Variants in GNA14 observed in about 807,000 individuals in gnomAD.
The protein encoded by GNA14 is G protein subunit alpha 14, also known as guanine nucleotide-binding protein subunit alpha-14.
Under a neutral mutation model 42.0 loss-of-function variants are expected in GNA14, and 50 were observed. The ratio of observed to expected loss-of-function variants is 1.19; its 90% CI spans 0.95 to 1.51. The LOEUF (loss-of-function observed/expected upper bound fraction) is 1.51. Ranked by LOEUF, GNA14 falls within the 40% of genes most tolerant of loss-of-function variation. The pLI, the probability that GNA14 is intolerant of heterozygous loss-of-function variation, is 0.00. For synonymous variants in GNA14, 173 were observed against 163.1 expected (o/e 1.06, Z -0.46); for missense variants, 473 against 446.2 (o/e 1.06, Z -0.54).
At chr9:77,427,876 C>T (rs1254080485) in intron 5 of GNA14, among the ~76,000 whole-genome samples, 1 of 152,162 alleles carries the variant, frequency 6.6e-6, no homozygotes, top group African/African-American at 2.4e-5. Context: ...CACCCCAGTT[C>T]CACTAGGGAT....
chr9:77,608,217 T>C (rs1483471807), intron 1 of GNA14, among the ~76,000 whole-genome samples: 1 of 152,230 alleles, frequency 6.6e-6, no homozygotes, highest in Non-Finnish European at 1.5e-5. Flanking sequence ...GCTTGGAACA[T>C]GTCATCTCTT....
intron 2 of GNA14, among the ~76,000 whole-genome samples, chr9:77,496,147 GT>G (rs1486947198): frequency 6.6e-5 from 10 of 152,190 alleles, no homozygotes; most frequent in African/African-American, 2.4e-4. Context: ...GGAATTTACT[GT>G]TTTTCCTTCC....
intron 2 of GNA14, among the ~76,000 whole-genome samples, chr9:77,497,689 A>T (rs1213000759): frequency 6.7e-6 from 1 of 148,658 alleles, no homozygotes; most frequent in African/African-American, 2.6e-5. Context: ...GACCAAACAT[A>T]AATATATTTA....
chr9:77,493,134 TG>T (rs940906701), intron 2 of GNA14, among the ~76,000 whole-genome samples: 1 of 147,724 alleles, frequency 6.8e-6, no homozygotes, highest in African/African-American at 2.5e-5. Context: ...GGGGGCACCG[TG>T]GGGCATAGGA....
At chr9:77,592,295 G>GGT (rs892451652) in intron 1 of GNA14, among the ~76,000 whole-genome samples, 35 of 152,132 alleles carry the variant, frequency 2.3e-4, no homozygotes, top group Admixed American at 1.2e-3. Flanking sequence ...GTAATTGTGT[G>GGT]GTGTGTGTGT....
chr9:77,469,625 G>A (rs1334686631), intron 2 of GNA14, among the ~76,000 whole-genome samples: 3 of 151,928 alleles, frequency 2.0e-5, no homozygotes, highest in Admixed American at 2.0e-4. Context: ...TCATATAGGA[G>A]TATCAAAAAA....
chr9:77,428,745 C>T (rs1262263166), intron 5 of GNA14, among the ~76,000 whole-genome samples, 162 bp downstream of exon 5: 2 of 152,168 alleles, frequency 1.3e-5, no homozygotes, highest in African/African-American at 4.8e-5. Context: ...TTCTAACAAG[C>T]CATGCAGGTG....
At chr9:77,598,833 C>T (rs34839153) in intron 1 of GNA14, among the ~76,000 whole-genome samples, 4,012 of 152,150 alleles carry the variant, frequency 0.026, 89 homozygotes, top group East Asian at 0.091. Context: ...TTAGGAGCCC[C>T]CAATTAAGGG....
intron 1 of GNA14, among the ~76,000 whole-genome samples, chr9:77,620,504 T>A (rs1158469064): frequency 6.6e-6 from 1 of 152,196 alleles, no homozygotes; most frequent in Admixed American, 6.5e-5. Flanking sequence ...CTCTAGCAAA[T>A]ATCATAATAT....
intron 4 of GNA14, among the ~76,000 whole-genome samples, chr9:77,429,644 G>A (rs1164205205): frequency 1.3e-5 from 2 of 152,084 alleles, no homozygotes; most frequent in Non-Finnish European, 1.5e-5. Context: ...CAAGAATCAG[G>A]CAGTTTATGG....
chr9:77,630,286 T>G (rs1395004549), intron 1 of GNA14, among the ~76,000 whole-genome samples: 3 of 152,012 alleles, frequency 2.0e-5, no homozygotes, highest in African/African-American at 7.3e-5. Context: ...CCCAGCTAAT[T>G]TTTACACTTT....
chr9:77,532,256 CT>C (rs1837540366), intron 1 of GNA14, among the ~76,000 whole-genome samples: 1 of 152,170 alleles, frequency 6.6e-6, no homozygotes, highest in South Asian at 2.1e-4. Context: ...GATAGCACCC[CT>C]AGTTATGAGC....
At chr9:77,521,623 G>A (rs879875239) in intron 2 of GNA14, among the ~76,000 whole-genome samples, 10 of 152,052 alleles carry the variant, frequency 6.6e-5, no homozygotes, top group African/African-American at 9.7e-5. Flanking sequence ...AGACCTTATC[G>A]AAGGGCTTTC....
intron 1 of GNA14, among the ~76,000 whole-genome samples, chr9:77,611,745 G>C (rs996291844): frequency 2.0e-5 from 3 of 152,158 alleles, no homozygotes; most frequent in African/African-American, 7.2e-5. Flanking sequence ...TTTTTCTGCT[G>C]TTGGTGGGTT....
chr9:77,498,679 A>C (rs543325980), intron 2 of GNA14, among the ~76,000 whole-genome samples: 26 of 152,280 alleles, frequency 1.7e-4, no homozygotes, highest in African/African-American at 5.8e-4. Flanking sequence ...AACGCCATCC[A>C]ATCAGTCGGT....
At chr9:77,591,410 C>G (rs191041020) in intron 1 of GNA14, among the ~76,000 whole-genome samples, 177 of 152,318 alleles carry the variant, frequency 1.2e-3, no homozygotes, top group African/African-American at 4.1e-3. Context: ...CTCATTCTCT[C>G]TCCCTCTTTT....
At chr9:77,524,284 T>C (rs576514605) in intron 2 of GNA14, among the ~76,000 whole-genome samples, 1 of 152,370 alleles carries the variant, frequency 6.6e-6, no homozygotes, top group South Asian at 2.1e-4. Context: ...AAATTTCCGA[T>C]AAATTTCCTT....
At chr9:77,572,371 C>T (rs1823073636) in intron 1 of GNA14, among the ~76,000 whole-genome samples, 1 of 152,130 alleles carries the variant, frequency 6.6e-6, no homozygotes, top group South Asian at 2.1e-4. Flanking sequence ...TCCATTCTTC[C>T]TTTCTTGGGT....
chr9:77,540,732 TTG>T (rs1424010776), intron 1 of GNA14, among the ~76,000 whole-genome samples: 1 of 152,176 alleles, frequency 6.6e-6, no homozygotes, highest in East Asian at 1.9e-4. Context: ...CTGACATTTT[TTG>T]TCTTTTGAAG....
Sources: allele counts gnomAD v4.1 joint callset (sites outside exome capture counted in the v4.1 genomes callset), GRCh38; gene constraint gnomAD v4.1.1; transcripts MANE v1.5; gene names NCBI Gene and HGNC (gene_info 2026-07-23, HGNC 2026-07-21).